Variants in EXOC6B observed in about 807,000 individuals in gnomAD.
EXOC6B encodes the protein SEC15 homolog B.
In EXOC6B, 54 loss-of-function variants were observed where a neutral mutation model predicts 113.5. The observed-to-expected ratio is 0.48, with a 90% CI of 0.38 to 0.60. The LOEUF (loss-of-function observed/expected upper bound fraction) is 0.60. Ranked by LOEUF, EXOC6B falls within the 20% of genes least tolerant of loss-of-function variation. EXOC6B has a pLI of 0.00. For missense variants in EXOC6B, 797 were observed against 977.5 expected (o/e 0.82, Z 2.46); for synonymous variants, 357 against 339.0 (o/e 1.05, Z -0.58).
chr2:72,422,303 G>T (rs1694933086), intron 18 of EXOC6B, among the ~76,000 whole-genome samples: 1 of 152,246 alleles, frequency 6.6e-6, no homozygotes, highest in South Asian at 2.1e-4. Flanking sequence ...GTCTGGTGGG[G>T]ACGTTGGAGA....
chr2:72,266,039 G>T (rs961490971), intron 20 of EXOC6B, among the ~76,000 whole-genome samples: 6 of 152,208 alleles, frequency 3.9e-5, no homozygotes, highest in Admixed American at 6.5e-5. Flanking sequence ...TCTTTTGGCT[G>T]CATAAATGCC....
At chr2:72,201,996 T>G (rs1433945637) in intron 20 of EXOC6B, among the ~76,000 whole-genome samples, 3 of 152,230 alleles carry the variant, frequency 2.0e-5, no homozygotes, top group African/African-American at 7.2e-5. Context: ...TTCTCAAAGA[T>G]GCTAGGATGG....
At chr2:72,419,650 T>A (rs910946645) in intron 18 of EXOC6B, among the ~76,000 whole-genome samples, 1 of 152,210 alleles carries the variant, frequency 6.6e-6, no homozygotes, top group Non-Finnish European at 1.5e-5. Context: ...CCTCCAACAT[T>A]TCTGATGCGA....
chr2:72,224,671 C>A (rs1468371505), intron 20 of EXOC6B, among the ~76,000 whole-genome samples: 1 of 151,850 alleles, frequency 6.6e-6, no homozygotes, highest in African/African-American at 2.4e-5. Context: ...GCTCTGTTGC[C>A]CAGGCTGGAG....
At chr2:72,218,536 C>A (rs528612917) in intron 20 of EXOC6B, among the ~76,000 whole-genome samples, 1 of 152,324 alleles carries the variant, frequency 6.6e-6, no homozygotes, top group South Asian at 2.1e-4. Context: ...TCACTGTCTT[C>A]TGACACTGTT....
chr2:72,422,469 A>C (rs1251386244), intron 18 of EXOC6B, among the ~76,000 whole-genome samples: 1 of 151,018 alleles, frequency 6.6e-6, no homozygotes, highest in Non-Finnish European at 1.5e-5. Context: ...TAAATACACC[A>C]ATCAGCACCC....
intron 17 of EXOC6B, among the ~76,000 whole-genome samples, chr2:72,470,626 C>T (rs1436672961): frequency 6.9e-6 from 1 of 143,898 alleles, no homozygotes. Flanking sequence ...CCTCCCCCTA[C>T]CCCACAACAG....
chr2:72,628,098 T>C (rs1202215245), intron 6 of EXOC6B, among the ~76,000 whole-genome samples: 3 of 152,106 alleles, frequency 2.0e-5, no homozygotes, highest in Admixed American at 2.0e-4. Context: ...GAGATGCTTT[T>C]GGAGAAAATG....
intron 20 of EXOC6B, among the ~76,000 whole-genome samples, chr2:72,277,261 G>T (rs1340291921): frequency 1.3e-5 from 2 of 152,016 alleles, no homozygotes. Flanking sequence ...TAAAAATATA[G>T]AGTCAAAGCT....
intron 6 of EXOC6B, among the ~76,000 whole-genome samples, chr2:72,588,341 T>C (rs1705716614): frequency 2.0e-5 from 3 of 151,988 alleles, no homozygotes; most frequent in Non-Finnish European, 1.5e-5. Flanking sequence ...TGAAATATTA[T>C]GTGGTCTGAA....
At chr2:72,735,209 T>G (rs1573712300) in intron 2 of EXOC6B, among the ~76,000 whole-genome samples, 2 of 152,282 alleles carry the variant, frequency 1.3e-5, no homozygotes, top group East Asian at 3.9e-4. Flanking sequence ...TCAGCAACAT[T>G]ATCTACTAGA....
At chr2:72,811,265 C>T (rs1685904021) in intron 1 of EXOC6B, among the ~76,000 whole-genome samples, 1 of 152,090 alleles carries the variant, frequency 6.6e-6, no homozygotes, top group South Asian at 2.1e-4. Flanking sequence ...GAGCTGAGAT[C>T]GTGCCACTGC....
chr2:72,453,349 G>A (rs1303626119), intron 18 of EXOC6B, among the ~76,000 whole-genome samples: 1 of 151,996 alleles, frequency 6.6e-6, no homozygotes, highest in Admixed American at 6.6e-5. Context: ...TGAGAGAGAA[G>A]CTGTAAAGAT....
At chr2:72,565,871 A>G (rs993614902) in intron 7 of EXOC6B, among the ~76,000 whole-genome samples, 1 of 152,084 alleles carries the variant, frequency 6.6e-6, no homozygotes, top group Non-Finnish European at 1.5e-5. Context: ...AAATAGTACA[A>G]CCCCTATGGA....
At chr2:72,386,761 T>C (rs750967064) in intron 18 of EXOC6B, among the ~76,000 whole-genome samples, 2 of 152,256 alleles carry the variant, frequency 1.3e-5, no homozygotes, top group African/African-American at 2.4e-5. Flanking sequence ...CGGGAAACTA[T>C]GTGAGATGAT....
At chr2:72,557,091 A>T (rs1427782021) in intron 8 of EXOC6B, among the ~76,000 whole-genome samples, 2 of 151,838 alleles carry the variant, frequency 1.3e-5, no homozygotes, top group East Asian at 3.9e-4. Flanking sequence ...GAGAAATGCA[A>T]ACTAGATCCA....
intron 8 of EXOC6B, among the ~76,000 whole-genome samples, chr2:72,528,831 T>C (rs1236276649): frequency 1.3e-5 from 2 of 152,108 alleles, no homozygotes; most frequent in Non-Finnish European, 2.9e-5. Flanking sequence ...GGTATCTACA[T>C]ATTCATTGTG....
intron 8 of EXOC6B, among the ~76,000 whole-genome samples, chr2:72,558,762 T>G (rs1321252813): frequency 6.6e-6 from 1 of 151,156 alleles, no homozygotes; most frequent in Non-Finnish European, 1.5e-5. Context: ...AGAGCAAAAC[T>G]CTGTCTCAAA....
At chr2:72,529,470 C>T (rs954794406) in intron 8 of EXOC6B, among the ~76,000 whole-genome samples, 43 of 152,150 alleles carry the variant, frequency 2.8e-4, no homozygotes, top group Non-Finnish European at 4.9e-4. Flanking sequence ...AGGGTATTAA[C>T]TTCATAAAAT....
Sources: allele counts gnomAD v4.1 joint callset (sites outside exome capture counted in the v4.1 genomes callset), GRCh38; gene constraint gnomAD v4.1.1; transcripts MANE v1.5; gene names NCBI Gene and HGNC (gene_info 2026-07-23, HGNC 2026-07-21).